MTA3: variants seen among roughly 807,000 people sequenced by gnomAD.
MTA3 encodes the protein metastasis-associated protein MTA3.
MTA3 carries 34 observed loss-of-function variants against 83.5 expected under a neutral mutation model. The observed-to-expected ratio is 0.41, with a 90% CI of 0.31 to 0.54. The LOEUF (loss-of-function observed/expected upper bound fraction) is 0.54. MTA3 is among the 20% of genes least tolerant of loss of function. MTA3 has a pLI of 0.33. For missense variants in MTA3, 761 were observed against 726.4 expected (o/e 1.05, Z -0.55); for synonymous variants, 303 against 252.7 (o/e 1.20, Z -1.89).
chr2:42,592,110 A>G (rs1374214994), intron 3 of MTA3, among the ~76,000 whole-genome samples: 1 of 152,164 alleles, frequency 6.6e-6, no homozygotes, highest in Non-Finnish European at 1.5e-5. Flanking sequence ...CAAAAAATAT[A>G]AAAATTAGCC....
intron 4 of MTA3, among the ~76,000 whole-genome samples, chr2:42,636,332 G>A (rs1187908706): frequency 1.3e-5 from 2 of 152,058 alleles, no homozygotes; most frequent in Non-Finnish European, 2.9e-5. Flanking sequence ...TTGAGCCAGG[G>A]AGTTTGAGAG....
At chr2:42,630,695 T>G (rs1174261924) in intron 4 of MTA3, among the ~76,000 whole-genome samples, 1 of 152,216 alleles carries the variant, frequency 6.6e-6, no homozygotes. Context: ...AAAATAATAC[T>G]ATAATGAATA....
At chr2:42,608,493 AG>A (rs1313806763) in intron 3 of MTA3, among the ~76,000 whole-genome samples, 3 of 152,202 alleles carry the variant, frequency 2.0e-5, no homozygotes, top group African/African-American at 7.2e-5. Context: ...CAGTTTTAAA[AG>A]TTTGAAAGTA....
chr2:42,688,527 T>C (rs72801638), intron 9 of MTA3, among the ~76,000 whole-genome samples: 3,180 of 152,286 alleles, frequency 0.021, 47 homozygotes, highest in Non-Finnish European at 0.032. Flanking sequence ...TGATGTGAAA[T>C]GTTTTTCAAA....
chr2:42,701,871 C>T lies in MTA3; in HGVS notation c.1026-2323C>T, dbSNP rs367785235. On this transcript the variant is annotated intron_variant, in intron 11 of 16. Transcript: ENST00000405094. ...CAGAGGTTGCAGTGAGCCGAGATCA[C>T]GCCACTGCACTCCAGCCTGGGCGAA... Among the ~76,000 whole-genome samples the T allele has an allele frequency of 1.4e-3, 205 of 151,160 alleles. 2 individuals are homozygous for T. Among genetic ancestry groups the T allele is most frequent in the African/African-American group, 4.7e-3 (193 of 41,162 alleles).
rs547982014 is a variant in MTA3 at position 42,591,565 on chromosome 2, A to C, written c.190+12365A>C. 1.8e-4 allele frequency among the ~76,000 whole-genome samples: 28 copies of C among 152,302 alleles called. No homozygotes were observed. In the East Asian group the frequency reaches 4.6e-3, roughly 25 times the overall value. ...CTCTTGTAATAACAACTTAAAACAC[A>C]AACACATTGAATGGCTATACAAAAA... On this transcript the variant is annotated intron_variant, in intron 3 of 16. Coordinates refer to ENST00000405094, the MANE Select transcript of MTA3 (RefSeq NM_001330442.2).
chr2:42,578,309 G>T (rs2103866122), intron 2 of MTA3, among the ~76,000 whole-genome samples: 1 of 152,272 alleles, frequency 6.6e-6, no homozygotes, highest in Admixed American at 6.5e-5. Flanking sequence ...TAGGAGAGCA[G>T]GAGCCTGGGC....
intron 4 of MTA3, among the ~76,000 whole-genome samples, chr2:42,628,008 CTAAGT>C (rs1686288209): frequency 6.6e-6 from 1 of 151,872 alleles, no homozygotes; most frequent in South Asian, 2.1e-4. Flanking sequence ...CCTCAGCCTC[CTAAGT>C]AGGTGGGATT....
At chr2:42,709,323 A>C (rs1666402915) in intron 14 of MTA3, 1 of 1,351,316 alleles carries the variant, frequency 7.4e-7, no homozygotes, top group Admixed American at 3.5e-5. Context: ...TCTTTACCAG[A>C]GAGTAGTGCT....
chr2:42,717,485 A>C (rs543641099), intron 14 of MTA3, among the ~76,000 whole-genome samples: 30 of 152,136 alleles, frequency 2.0e-4, no homozygotes, highest in African/African-American at 7.0e-4. Context: ...TTGCACATCT[A>C]CTCTTCCAAA....
At chr2:42,550,815 G>T (rs1351528862) in intron 2 of MTA3, among the ~76,000 whole-genome samples, 1 of 152,130 alleles carries the variant, frequency 6.6e-6, no homozygotes, top group Non-Finnish European at 1.5e-5. Flanking sequence ...GCCAAGGTGG[G>T]TGGATCAACT....
intron 4 of MTA3, among the ~76,000 whole-genome samples, chr2:42,637,794 T>C (rs1687330214): frequency 1.3e-5 from 2 of 152,302 alleles, no homozygotes; most frequent in Admixed American, 6.5e-5. Flanking sequence ...TTATAACCTG[T>C]GTTTCCTTAT....
chr2:42,572,161 C>G (rs1678563627), intron 2 of MTA3, among the ~76,000 whole-genome samples: 1 of 151,908 alleles, frequency 6.6e-6, no homozygotes, highest in African/African-American at 2.4e-5. Context: ...CACCTGTAGT[C>G]TCAGCTACTT....
At chr2:42,499,619 G>A (rs1296382866) in intron 2 of MTA3, among the ~76,000 whole-genome samples, 1 of 150,682 alleles carries the variant, frequency 6.6e-6, no homozygotes, top group Non-Finnish European at 1.5e-5. Flanking sequence ...GAGAAACCCC[G>A]TCTCTACTAA....
intron 9 of MTA3, among the ~76,000 whole-genome samples, chr2:42,694,509 C>G (rs1693204429): frequency 6.6e-6 from 1 of 152,082 alleles, no homozygotes; most frequent in African/African-American, 2.4e-5. Flanking sequence ...ACTGGCTGAC[C>G]CCAGCATGGA....
intron 2 of MTA3, among the ~76,000 whole-genome samples, chr2:42,531,351 T>C (rs1277397912): frequency 1.3e-5 from 2 of 151,542 alleles, no homozygotes; most frequent in Non-Finnish European, 2.9e-5. Context: ...TCATGCATGG[T>C]CAAAGCAATT....
chr2:42,668,369 A>C (rs1690487473), intron 8 of MTA3, among the ~76,000 whole-genome samples: 1 of 152,234 alleles, frequency 6.6e-6, no homozygotes, highest in Non-Finnish European at 1.5e-5. Context: ...AAGGCCCCAT[A>C]GAGGCCCTGT....
chr2:42,661,680 C>A (rs1689733351), intron 8 of MTA3, among the ~76,000 whole-genome samples: 1 of 151,854 alleles, frequency 6.6e-6, no homozygotes, highest in Non-Finnish European at 1.5e-5. Context: ...CCAAAAAAAG[C>A]TTTGTTCTCA....
At position 42,725,185 on chromosome 2, in the gene MTA3, T is replaced by C. The variant is rs575230945; in HGVS notation, c.1759+2150T>C. On this transcript the variant is annotated intron_variant, in intron 16 of 16. Transcript: ENST00000405094. ...GTCAGGGAATTTGTTTTGCATATCA[T>C]TGTATCTCTGTGCTTAGCACAGTAC... 1.4e-4 allele frequency among the ~76,000 whole-genome samples: 21 copies of C among 152,370 alleles called. No individual in the cohort carries two copies. The East Asian group carries it at 2.9e-3, about 21-fold the overall frequency.
Sources: allele counts gnomAD v4.1 joint callset (sites outside exome capture counted in the v4.1 genomes callset), GRCh38; gene constraint gnomAD v4.1.1; transcripts MANE v1.5; gene names NCBI Gene and HGNC (gene_info 2026-07-23, HGNC 2026-07-21).